Variants in ZC3H12C observed in about 807,000 individuals in gnomAD.
The protein encoded by ZC3H12C is probable ribonuclease ZC3H12C.
In ZC3H12C, 20 loss-of-function variants were observed where a neutral mutation model predicts 76.3. The observed-to-expected ratio is 0.26, with a 90% CI of 0.18 to 0.38. ZC3H12C has a LOEUF of 0.38. Among genes scored for constraint, ZC3H12C ranks in the 10% least tolerant of loss-of-function variants. The pLI is 1.00. For synonymous variants in ZC3H12C, 352 were observed against 399.6 expected (o/e 0.88, Z 1.42); for missense variants, 874 against 1,086.5 (o/e 0.80, Z 2.75).
chr11:110,121,656 C>T (rs1861653075), intron 1 of ZC3H12C, among the ~76,000 whole-genome samples: 2 of 151,958 alleles, frequency 1.3e-5, no homozygotes, highest in South Asian at 4.1e-4. Context: ...CAGTAGTATG[C>T]AGTTATTTAA....
At chr11:110,114,849 G>T (rs958109422) in intron 1 of ZC3H12C, among the ~76,000 whole-genome samples, 2 of 151,956 alleles carry the variant, frequency 1.3e-5, no homozygotes, top group African/African-American at 4.8e-5. Context: ...TATTTTAGGG[G>T]GAAAAATATT....
chr11:110,138,405 G>A (rs1056777035), intron 2 of ZC3H12C, among the ~76,000 whole-genome samples: 1 of 152,082 alleles, frequency 6.6e-6, no homozygotes, highest in African/African-American at 2.4e-5. Context: ...AACCATGTAT[G>A]TCATATTAAA....
At chr11:110,121,846 T>C (rs1213860741) in intron 1 of ZC3H12C, among the ~76,000 whole-genome samples, 1 of 152,238 alleles carries the variant, frequency 6.6e-6, no homozygotes, top group Non-Finnish European at 1.5e-5. Context: ...GCAGCTCGTT[T>C]TGGATTATTT....
chr11:110,136,657 C>T lies in ZC3H12C; in HGVS notation c.22-6C>T, dbSNP rs926596847. 6.3e-7 allele frequency: 1 copy of T among 1,599,300 alleles called. No individual in the cohort carries two copies. Among genetic ancestry groups the T allele is most frequent in the Non-Finnish European group, 8.5e-7 (1 of 1,174,620 alleles). On this transcript the variant is annotated splice_region_variant and splice_polypyrimidine_tract_variant and intron_variant, in intron 1 of 5. Coordinates refer to ENST00000278590, the MANE Select transcript of ZC3H12C (RefSeq NM_033390.2). ...GAAATTCTAAATATTTTACATTTTT[C>T]TCTAGGAATACGGGGTGCTTTGCAT...
At chr11:110,131,775 G>A (rs1231891603) in intron 1 of ZC3H12C, 1 of 152,288 alleles carries the variant, frequency 6.6e-6, no homozygotes, top group Non-Finnish European at 1.5e-5. Context: ...GCATCTATCA[G>A]TTGGGAGGGA....
intron 1 of ZC3H12C, among the ~76,000 whole-genome samples, chr11:110,109,703 A>G (rs1380181487): frequency 6.6e-6 from 1 of 152,050 alleles, no homozygotes; most frequent in Non-Finnish European, 1.5e-5. Flanking sequence ...TTTCTATTAG[A>G]TGCATTTACA....
intron 2 of ZC3H12C, among the ~76,000 whole-genome samples, chr11:110,150,535 T>C (rs77180039): frequency 0.048 from 7,359 of 152,218 alleles, 436 homozygotes; most frequent in Admixed American, 0.18. Context: ...TGAAAGAGTG[T>C]ATTGTATGTA....
Position 110,165,015 on chromosome 11 carries a change from A to C in ZC3H12C, c.1930A>C (p.Asn644His). 1 of 1,613,972 alleles carries C rather than the reference A, an allele frequency of 6.2e-7. No individual in the cohort carries two copies. ...CGSSDSYVGY[N>H]DRSYVSSPDP... ...GAGCAGTGACTCCTACGTGGGTTAC[A>C]ATGACCGGTCCTATGTCAGCTCCCC... Residue 644 changes from asparagine (N) to histidine (H), a missense_variant, in exon 6 of 6, where the codon AAT (asparagine) becomes CAT (histidine). Coordinates refer to ENST00000278590, the MANE Select transcript of ZC3H12C (RefSeq NM_033390.2).
chr11:110,130,731 A>G (rs556678463), intron 1 of ZC3H12C, among the ~76,000 whole-genome samples: 145 of 152,158 alleles, frequency 9.5e-4, no homozygotes, highest in African/African-American at 3.4e-3. Context: ...CTCTCTAATG[A>G]CTCCGCTCTC....
At chr11:110,160,956 C>T (rs1235506202) in intron 4 of ZC3H12C, among the ~76,000 whole-genome samples, 1 of 152,034 alleles carries the variant, frequency 6.6e-6, no homozygotes, top group East Asian at 1.9e-4. Flanking sequence ...CATTCCTCAG[C>T]CTCCTGAGTA....
At chr11:110,136,537 GGAGGA>G in intron 1 of ZC3H12C, 121 bp from the exon 2 acceptor site, 1 of 1,031,336 alleles carries the variant, frequency 9.7e-7, no homozygotes, top group Non-Finnish European at 1.4e-6. Flanking sequence ...GTGTTAGGAG[GGAGGA>G]GAGGATGTAG....
At chr11:110,125,095 CAAT>C (rs964943323) in intron 1 of ZC3H12C, among the ~76,000 whole-genome samples, 1 of 152,032 alleles carries the variant, frequency 6.6e-6, no homozygotes, top group Non-Finnish European at 1.5e-5. Context: ...ACTGTTGCAA[CAAT>C]GATAGCTACT....
chr11:110,105,323 G>A (rs1270319635), intron 1 of ZC3H12C, among the ~76,000 whole-genome samples: 37 of 151,962 alleles, frequency 2.4e-4, no homozygotes, highest in Admixed American at 2.4e-3. Context: ...TAAATGACTA[G>A]AACAGATATT....
In ZC3H12C at chr11:110,093,424, G is replaced by C. The variant is rs768813122; in HGVS notation, c.13G>C (p.Gly5Arg). The C allele has an allele frequency of 1.4e-4, 172 of 1,204,596 alleles. 1 individual carries two copies. The Middle Eastern group carries it at 5.7e-3, about 40-fold the overall frequency. The allele number at this position is 1,204,596 out of a possible 1,614,324, so 74.6% of individuals were successfully genotyped here. The change falls in exon 1 of 6, where the codon GGC becomes CGC. Residue 5 changes from glycine to arginine, a missense_variant. This residue lies in a region of ZC3H12C where 210 missense variants were observed against 227.1 expected (regional missense o/e 0.92). Transcript: ENST00000278590. The part of the protein sequence containing the change: MPGG[G>R]SQEYGVLCIQ... ...CGCGGGGCTGGCTATGCCGGGTGGCGGCTCCCAGGTTTGTCCTCGGGAAGG... is the reference window on the plus strand; with the variant it reads ...CGCGGGGCTGGCTATGCCGGGTGGCCGCTCCCAGGTTTGTCCTCGGGAAGG...
intron 4 of ZC3H12C, 135 bp downstream of exon 4, chr11:110,159,625 T>G: frequency 7.9e-6 from 6 of 760,054 alleles, no homozygotes; most frequent in Non-Finnish European, 1.3e-5. Flanking sequence ...TCCCCACTGA[T>G]CCTCAGTGGG....
chr11:110,098,060 A>G lies in ZC3H12C; in HGVS notation c.21+4628A>G, dbSNP rs537128596. Among the ~76,000 whole-genome samples, 10 of 152,306 alleles carry G rather than the reference A, an allele frequency of 6.6e-5. No individual in the cohort carries two copies. The South Asian group carries it at 2.1e-3, about 32-fold the overall frequency. ...CTGTAAAACAGCTTCAGGCAGGTCT[A>G]TCAGGAGGTATTTCAGAAGGCGGCA... is the stretch of plus-strand genomic sequence containing the variant. On this transcript the variant is annotated intron_variant, in intron 1 of 5. Coordinates refer to ENST00000278590, the MANE Select transcript of ZC3H12C (RefSeq NM_033390.2).
At chr11:110,094,303 T>C (rs1221521602) in intron 1 of ZC3H12C, among the ~76,000 whole-genome samples, 1 of 152,222 alleles carries the variant, frequency 6.6e-6, no homozygotes, top group African/African-American at 2.4e-5. Flanking sequence ...TGTATTGGAG[T>C]ATCCCAGGCC....
intron 2 of ZC3H12C, among the ~76,000 whole-genome samples, chr11:110,145,037 C>T (rs1330380110): frequency 6.6e-6 from 1 of 152,118 alleles, no homozygotes; most frequent in Non-Finnish European, 1.5e-5. Flanking sequence ...ATCATCTTCC[C>T]TTCTAGGCCC....
chr11:110,125,800 A>G (rs1632223), intron 1 of ZC3H12C, among the ~76,000 whole-genome samples: 107,812 of 152,188 alleles, frequency 0.71, 38,505 homozygotes, highest in East Asian at 0.89. Flanking sequence ...TAGGGCAAAC[A>G]GGTGAGTAAC....
Sources: allele counts gnomAD v4.1 joint callset (sites outside exome capture counted in the v4.1 genomes callset), GRCh38; gene constraint gnomAD v4.1.1; regional missense constraint gnomAD v4.1.1; transcripts MANE v1.5; gene names NCBI Gene and HGNC (gene_info 2026-07-23, HGNC 2026-07-21).